KCNJ2: variants seen among roughly 807,000 people sequenced by gnomAD.
The protein encoded by KCNJ2 is potassium inwardly rectifying channel subfamily J member 2, also known as inward rectifier potassium channel 2.
KCNJ2 carries 12 observed loss-of-function variants against 28.4 expected under a neutral mutation model. That is an observed-to-expected ratio of 0.42 (90% CI 0.27 to 0.68). KCNJ2 has a LOEUF of 0.68. Ranked by LOEUF, KCNJ2 falls within the 30% of genes least tolerant of loss-of-function variation. KCNJ2 has a pLI of 0.23. For synonymous variants in KCNJ2, 200 were observed against 203.2 expected, an observed-to-expected ratio of 0.98 and a Z score of 0.13; for missense variants, 320 against 551.3, an observed-to-expected ratio of 0.58 and a Z score of 4.20.
intron 1 of KCNJ2, among the ~76,000 whole-genome samples, chr17:70,171,955 G>A (rs1322904508): frequency 2.0e-5 from 3 of 151,810 alleles, no homozygotes; most frequent in Non-Finnish European, 4.4e-5. Context: ...CTCATTGATT[G>A]CATCTCAAAC....
rs767166881 is a variant in KCNJ2 at position 70,176,122 on chromosome 17, A to T, written c.1083A>T (p.Leu361Phe). Residue 361 changes from leucine (L) to phenylalanine (F), a missense_variant, in exon 2 of 2, where the codon TTA (leucine) becomes TTT (phenylalanine). By Grantham distance (22) the Leu-to-Phe change is conservative. This residue lies in a region of KCNJ2 where 155 missense variants were observed against 231.6 expected (regional missense o/e 0.67). Transcript: ENST00000243457. ...PNTPLCSARD[L>F]AEKKYILSNA... ...CTCCCCTTTGTAGTGCCAGAGACTT[A>T]GCAGAAAAGAAATATATCCTCTCAA... 1 of 1,613,950 alleles carries T rather than the reference A, an allele frequency of 6.2e-7. No homozygotes were observed. Among genetic ancestry groups the T allele is most frequent in the South Asian group, 1.1e-5 (1 of 91,088 alleles).
At chr17:70,169,897 A>G (rs1409403505) in intron 1 of KCNJ2, among the ~76,000 whole-genome samples, 196 bp downstream of exon 1, 1 of 152,156 alleles carries the variant, frequency 6.6e-6, no homozygotes, top group Admixed American at 6.5e-5. Context: ...GAACATCCCC[A>G]GAGCTAAAAA....
In KCNJ2 at chr17:70,178,427, C is replaced by T. The variant is rs1162543108; in HGVS notation, c.*2104C>T. On this transcript the variant is annotated 3_prime_UTR_variant, in exon 2 of 2. Coordinates refer to ENST00000243457, the MANE Select transcript of KCNJ2 (RefSeq NM_000891.3). ...ATTGGGGATTGAGTTGTAAAGAAAACTTACAGAAGAGGCAACAATTTGGTT... is the reference window on the plus strand; with the variant it reads ...ATTGGGGATTGAGTTGTAAAGAAAATTTACAGAAGAGGCAACAATTTGGTT... 6.0e-6 allele frequency: 1 copy of T among 167,028 alleles called. No homozygotes were observed. Among genetic ancestry groups the T allele is most frequent in the Admixed American group, 6.5e-5 (1 of 15,270 alleles). 10.3% of individuals were successfully genotyped at this position (167,028 alleles called of 1,614,324 possible).
In KCNJ2 at chr17:70,177,680, C is replaced by G. The variant is rs1032028587; in HGVS notation, c.*1357C>G. The G allele has an allele frequency of 6.0e-6, 1 of 167,000 alleles. No homozygotes were observed. Among genetic ancestry groups the G allele is most frequent in the Non-Finnish European group, 1.5e-5 (1 of 68,160 alleles). The allele number at this position is 167,000 out of a possible 1,614,324, so 10.3% of individuals were successfully genotyped here. A position where few individuals can be genotyped will look rare whatever the true frequency, so the allele number is the denominator to read the frequency against. On this transcript the variant is annotated 3_prime_UTR_variant, in exon 2 of 2. Transcript: ENST00000243457. ...AAGCAGGGAAACAGGGAGGTGTGGA[C>G]AAGCCAGTTTGATGCAGCACTTCAG... is the stretch of plus-strand genomic sequence containing the variant.
Position 70,178,011 on chromosome 17 carries a change from G to A in KCNJ2, c.*1688G>A, listed in dbSNP as rs2144380374. 1 of 157,670 alleles carries A rather than the reference G, an allele frequency of 6.3e-6. No homozygotes were observed. The highest frequency in any genetic ancestry group is 2.2e-4 in the South Asian group (1 of 4,602). The allele number at this position is 157,670 out of a possible 1,614,324, so 9.8% of individuals were successfully genotyped here. ...ACATAATTTTTTTTTTCTCACTGAAGCTCAATAATGGAACTCTTTTTTTTT... is the reference window on the plus strand; with the variant it reads ...ACATAATTTTTTTTTTCTCACTGAAACTCAATAATGGAACTCTTTTTTTTT... On this transcript the variant is annotated 3_prime_UTR_variant, in exon 2 of 2. Coordinates refer to ENST00000243457, the MANE Select transcript of KCNJ2 (RefSeq NM_000891.3).
Position 70,175,135 on chromosome 17 carries a change from C to T in KCNJ2, c.96C>T (p.Asn32=), listed in dbSNP as rs67120636. The change falls in exon 2 of 2, where the codon AAC becomes AAT. Residue 32 remains asparagine (N), a synonymous_variant. Transcript: ENST00000243457. The surrounding 1 kb of genome is among the most constrained non-coding windows in gnomAD (Gnocchi z 8.3). The stretch of plus-strand genomic sequence containing the variant: ...TGGCAGTTGCAAATGGCTTTGGGAA[C>T]GGGAAGAGTAAAGTCCACACCCGAC... ...ATMAVANGFG[N]GKSKVHTRQQ... The T allele has an allele frequency of 4.4e-4, 705 of 1,614,108 alleles. 6 individuals are homozygous for T. The South Asian group carries it at 6.3e-3, about 15-fold the overall frequency.
At position 70,175,841 on chromosome 17, in the gene KCNJ2, A is replaced by G. The variant is rs2074389414; in HGVS notation, c.802A>G (p.Thr268Ala). The change falls in exon 2 of 2, where the codon ACT (threonine) becomes GCT (alanine). Residue 268 changes from threonine to alanine, a missense_variant. Thr to Ala is a moderately conservative substitution (Grantham distance 58, BLOSUM62 0). Transcript: ENST00000243457. The surrounding 1 kb of genome is among the most constrained non-coding windows in gnomAD (Gnocchi z 8.3). ...IDRIFLVSPI[T>A]IVHEIDEDSP... ...TCGTATATTTCTGGTGTCCCCAATCACTATAGTCCATGAAATAGATGAAGA... is the reference window on the plus strand; with the variant it reads ...TCGTATATTTCTGGTGTCCCCAATCGCTATAGTCCATGAAATAGATGAAGA... 6.2e-7 allele frequency: 1 copy of G among 1,614,188 alleles called. No individual in the cohort carries two copies. Among genetic ancestry groups the G allele is most frequent in the African/African-American group, 1.3e-5 (1 of 75,046 alleles).
intron 1 of KCNJ2, among the ~76,000 whole-genome samples, chr17:70,172,574 G>A (rs2074371039): frequency 6.6e-6 from 1 of 152,150 alleles, no homozygotes; most frequent in Admixed American, 6.5e-5. Context: ...TCATAATTCA[G>A]TCTTTAGATT....
chr17:70,171,225 C>T (rs1451110283), intron 1 of KCNJ2, among the ~76,000 whole-genome samples: 1 of 152,174 alleles, frequency 6.6e-6, no homozygotes, highest in Admixed American at 6.5e-5. Flanking sequence ...AGACAGGGGG[C>T]TCACACGTAG....
chr17:70,176,341 T>A lies in KCNJ2; in HGVS notation c.*18T>A. ...AGATATGACTGACTGATTCCTTCTC[T>A]GGAATAGTTACTTTACAACACGGTC... On this transcript the variant is annotated 3_prime_UTR_variant, in exon 2 of 2. Transcript: ENST00000243457. 6.2e-7 allele frequency: 1 copy of A among 1,606,956 alleles called. No homozygotes were observed. Among genetic ancestry groups the A allele is most frequent in the Non-Finnish European group, 8.5e-7 (1 of 1,173,496 alleles).
In KCNJ2 at chr17:70,179,844, G is replaced by A. The variant is rs1227882996; in HGVS notation, c.*3521G>A. 1 of 166,850 alleles carries A rather than the reference G, an allele frequency of 6.0e-6. No individual in the cohort carries two copies. The highest frequency in any genetic ancestry group is 1.5e-5 in the Non-Finnish European group (1 of 68,056). The allele number at this position is 166,850 out of a possible 1,614,324, so 10.3% of individuals were successfully genotyped here. The stretch of plus-strand genomic sequence containing the variant: ...TCAGCAAAGTAGAATCTCTTTTCTG[G>A]TAATTTTGGGTTTCCGCTCTGGGCT... On this transcript the variant is annotated 3_prime_UTR_variant, in exon 2 of 2. Coordinates refer to ENST00000243457, the MANE Select transcript of KCNJ2 (RefSeq NM_000891.3).
At position 70,179,361 on chromosome 17, in the gene KCNJ2, G is replaced by C. The variant is rs1257417964; in HGVS notation, c.*3038G>C. 1 of 166,680 alleles carries C rather than the reference G, an allele frequency of 6.0e-6. No individual in the cohort carries two copies. The highest frequency in any genetic ancestry group is 1.5e-5 in the Non-Finnish European group (1 of 68,050). The allele number at this position is 166,680 out of a possible 1,614,324, so 10.3% of individuals were successfully genotyped here. ...ATATCTGGAAGGGCACTATATTTTT[G>C]GGAGGAGCCATAGATTCCTGGTTAT... is the stretch of plus-strand genomic sequence containing the variant. On this transcript the variant is annotated 3_prime_UTR_variant, in exon 2 of 2. Transcript: ENST00000243457.
Position 70,176,285 on chromosome 17 carries a change from C to T in KCNJ2, c.1246C>T (p.Leu416=), listed in dbSNP as rs1467114291. 3 of 1,614,034 alleles carry T rather than the reference C, an allele frequency of 1.9e-6. No homozygotes were observed. The East Asian group carries it at 6.7e-5, about 36-fold the overall frequency. ...CCTTCACAACCAGGCAAGTGTACCT[C>T]TAGAGCCCAGGCCCTTACGGCGAGA... ...IDLHNQASVP[L]EPRPLRRESE... is the part of the protein sequence containing the mutation. Residue 416 remains leucine, a synonymous_variant, in exon 2 of 2, where the codon CTA becomes TTA. Transcript: ENST00000243457.
Position 70,176,431 on chromosome 17 carries a change from G to A in KCNJ2, c.*108G>A, listed in dbSNP as rs188588568. On this transcript the variant is annotated 3_prime_UTR_variant, in exon 2 of 2. Coordinates refer to ENST00000243457, the MANE Select transcript of KCNJ2 (RefSeq NM_000891.3). ...ACTGGTCAAGATGGGTCAAGCAAGC[G>A]GCCACAAGGGACTGAGGCAAGCACA... 198 of 981,422 alleles carry A rather than the reference G, an allele frequency of 2.0e-4. 1 individual carries two copies. The Middle Eastern group carries it at 7.3e-3, about 36-fold the overall frequency. The allele number at this position is 981,422 out of a possible 1,614,324, so 60.8% of individuals were successfully genotyped here.
intron 1 of KCNJ2, among the ~76,000 whole-genome samples, chr17:70,171,268 C>G (rs893822019): frequency 5.3e-5 from 8 of 151,112 alleles, no homozygotes; most frequent in Non-Finnish European, 1.0e-4. Context: ...TCCCCACTTC[C>G]CCCTCCTCCT....
Position 70,175,680 on chromosome 17 carries a change from T to G in KCNJ2, c.641T>G (p.Val214Gly). The G allele has an allele frequency of 6.2e-7, 1 of 1,614,088 alleles. No homozygotes were observed. Among genetic ancestry groups the G allele is most frequent in the Non-Finnish European group, 8.5e-7 (1 of 1,180,014 alleles). The stretch of plus-strand genomic sequence containing the variant: ...GGCAAGCTGTGTTTGATGTGGCGAG[T>G]GGGCAATCTTCGGAAAAGCCACTTG... ...RDGKLCLMWR[V>G]GNLRKSHLVE... The change falls in exon 2 of 2, where the codon GTG becomes GGG. Residue 214 changes from valine to glycine, a missense_variant. Physicochemically the swap from Val to Gly is moderately radical, Grantham distance 109. This residue lies in a region of KCNJ2 where 111 missense variants were observed against 256.7 expected (regional missense o/e 0.43). Transcript: ENST00000243457. This position sits in a 1 kb window ranked among gnomAD's most constrained non-coding sequence, Gnocchi z 8.3.
intron 1 of KCNJ2, among the ~76,000 whole-genome samples, chr17:70,170,213 A>G (rs2074357831): frequency 6.6e-6 from 1 of 151,790 alleles, no homozygotes; most frequent in Admixed American, 6.6e-5. Flanking sequence ...AGTTTCAAAC[A>G]GAGTGAGTGT....
At chr17:70,174,803 A>G (rs574163583) in intron 1 of KCNJ2, 21 bp from the exon 2 acceptor site, 10 of 585,256 alleles carry the variant, frequency 1.7e-5, no homozygotes, top group African/African-American at 1.7e-4. Context: ...TTTGTAATGC[A>G]CAGTCTCTCT....
intron 1 of KCNJ2, among the ~76,000 whole-genome samples, chr17:70,172,312 C>CAAAAA (rs60636682): frequency 2.3e-5 from 2 of 85,896 alleles, no homozygotes; most frequent in Non-Finnish European, 4.4e-5. Context: ...TTCTTTTTGC[C>CAAAAA]AAAAAAAAAA....
Sources: allele counts gnomAD v4.1 joint callset (sites outside exome capture counted in the v4.1 genomes callset), GRCh38; gene constraint gnomAD v4.1.1; regional missense constraint gnomAD v4.1.1; non-coding constraint Gnocchi (gnomAD v3.1); transcripts MANE v1.5; gene names NCBI Gene and HGNC (gene_info 2026-07-23, HGNC 2026-07-21).